Variants in KCNH2 observed in about 807,000 individuals in gnomAD.
The protein encoded by KCNH2 is voltage-gated inwardly rectifying potassium channel KCNH2.
A neutral mutation model predicts 95.9 loss-of-function variants in KCNH2; 35 were observed. That is an observed-to-expected ratio of 0.37 (90% confidence interval 0.28 to 0.48). The LOEUF (loss-of-function observed/expected upper bound fraction) is 0.48. Ranked by LOEUF, KCNH2 falls within the 20% of genes least tolerant of loss-of-function variation. The pLI is 0.99. For synonymous variants in KCNH2, 786 were observed against 754.7 expected (o/e 1.04, Z -0.68); for missense variants, 1,274 against 1,702.9 (o/e 0.75, Z 4.43).
intron 5 of KCNH2, among the ~76,000 whole-genome samples, chr7:150,953,711 T>C (rs1801270911): frequency 6.6e-6 from 1 of 152,074 alleles, no homozygotes; most frequent in African/African-American, 2.4e-5. Context: ...CCGGCCAGCT[T>C]CTCCACACTG....
chr7:150,967,488 C>T (rs892563639), intron 2 of KCNH2, among the ~76,000 whole-genome samples: 4 of 152,196 alleles, frequency 2.6e-5, no homozygotes, highest in Non-Finnish European at 5.9e-5. Flanking sequence ...CAGGGACAGA[C>T]TCATGGCTAT....
chr7:150,955,558 T>A (rs1801343016), intron 5 of KCNH2: 5 of 1,501,982 alleles, frequency 3.3e-6, no homozygotes, highest in South Asian at 1.3e-5. Context: ...GCCCGGCCAC[T>A]GCCTCACCTG....
intron 2 of KCNH2, among the ~76,000 whole-genome samples, chr7:150,965,169 T>A (rs11766022): frequency 6.6e-6 from 1 of 151,782 alleles, no homozygotes; most frequent in Non-Finnish European, 1.5e-5. Flanking sequence ...GCTCAGACCC[T>A]GACCCCACAG....
intron 5 of KCNH2, among the ~76,000 whole-genome samples, chr7:150,953,720 T>C (rs1056252967): frequency 2.6e-5 from 4 of 152,176 alleles, no homozygotes; most frequent in African/African-American, 9.7e-5. Flanking sequence ...TTCTCCACAC[T>C]GTCCCAGAAG....
chr7:150,975,063 TG>T, intron 1 of KCNH2, 122 bp from the exon 2 acceptor site: 1 of 762,450 alleles, frequency 1.3e-6, no homozygotes, highest in Non-Finnish European at 1.9e-6. Flanking sequence ...GAAGCATGGC[TG>T]GGACTGGGGT....
chr7:150,951,341 TC>T, intron 7 of KCNH2, 106 bp downstream of exon 7: 1 of 1,277,990 alleles, frequency 7.8e-7, no homozygotes, highest in Non-Finnish European at 1.0e-6. Context: ...CCCTGGAGTC[TC>T]TAAGTTCCAG....
At chr7:150,953,283 AG>A (rs764520663) in intron 5 of KCNH2, among the ~76,000 whole-genome samples, 24 of 152,164 alleles carry the variant, frequency 1.6e-4, no homozygotes, top group Non-Finnish European at 2.6e-4. Flanking sequence ...CAGGAGCCAT[AG>A]CCCCAATCCA....
chr7:150,965,393 C>A (rs1801675848), intron 2 of KCNH2, among the ~76,000 whole-genome samples: 1 of 152,198 alleles, frequency 6.6e-6, no homozygotes, highest in African/African-American at 2.4e-5. Context: ...GCTCTGGGGC[C>A]CGGCTCTGCC....
At chr7:150,949,494 C>T (rs1801051487) in intron 9 of KCNH2, 3 of 752,536 alleles carry the variant, frequency 4.0e-6, no homozygotes, top group Non-Finnish European at 5.0e-6. Flanking sequence ...CTAGAATGAA[C>T]CACATGCAGT....
rs1683137012 is a variant in KCNH2, at chr7:150,974,698, G to A, written c.307+13C>T. On this transcript the variant is annotated intron_variant, in intron 2 of 14. Transcript: ENST00000262186. ...CCGCCCCTGGTCGTGGCCCCGCCCC[G>A]GCCCGCTCCTACCATCTTTCCGGTA... 1 of 1,179,544 alleles carries A rather than the reference G, an allele frequency of 8.5e-7. No individual in the cohort carries two copies. The highest frequency in any genetic ancestry group is 1.9e-5 in the African/African-American group (1 of 53,388). 73.1% of individuals were successfully genotyped at this position (1,179,544 alleles called of 1,614,324 possible).
In KCNH2 at chr7:150,947,411, G is replaced by A. The variant is rs1331230285; in HGVS notation, c.3069C>T (p.Leu1023=). Residue 1023 remains leucine (L), a synonymous_variant, in exon 13 of 15, where the codon CTC becomes CTT. Coordinates refer to ENST00000262186, the MANE Select transcript of KCNH2 (RefSeq NM_000238.4). ...PRCPAPTPSL[L]NIPLSSPGRR... ...GACCCGGGCTGGAGAGGGGGATGTT[G>A]AGGAGGCTGGGGGTGGGGGCGGGGC... The A allele has an allele frequency of 6.4e-7, 1 of 1,552,786 alleles. No homozygotes were observed. Among genetic ancestry groups the A allele is most frequent in the South Asian group, 1.2e-5 (1 of 84,278 alleles).
At chr7:150,976,728 G>A (rs1801987559) in intron 1 of KCNH2, among the ~76,000 whole-genome samples, 1 of 146,694 alleles carries the variant, frequency 6.8e-6, no homozygotes, top group African/African-American at 2.6e-5. Context: ...CTAGAATCCA[G>A]CACCCCCCCC....
At chr7:150,958,566 G>A in intron 3 of KCNH2, 64 bp from the exon 4 acceptor site, 1 of 1,361,072 alleles carries the variant, frequency 7.3e-7, no homozygotes, top group South Asian at 1.5e-5. Flanking sequence ...GGCAAGGCCT[G>A]GGAAATGGAC....
chr7:150,965,099 GAC>G (rs1418682360), intron 2 of KCNH2, among the ~76,000 whole-genome samples: 1 of 151,830 alleles, frequency 6.6e-6, no homozygotes, highest in African/African-American at 2.4e-5. Flanking sequence ...ATGAGAGAGA[GAC>G]CAGTCCTAAG....
At position 150,974,718 on chromosome 7, in the gene KCNH2, C is replaced by A. The variant is rs761176105; in HGVS notation, c.300G>T (p.Arg100=). The A allele has an allele frequency of 1.0e-4, 150 of 1,454,838 alleles. 2 individuals are homozygous for A. In the South Asian group the frequency reaches 1.6e-3, roughly 16 times the overall value. The allele number at this position is 1,454,838 out of a possible 1,614,324, so 90.1% of individuals were successfully genotyped here. Residue 100 remains arginine, a synonymous_variant, in exon 2 of 15, where the codon CGG becomes CGT. Coordinates refer to ENST00000262186, the MANE Select transcript of KCNH2 (RefSeq NM_000238.4). Reference sequence around the variant, plus strand: ...GCCCCGGCCCGCTCCTACCATCTTTCCGGTAGAAGGCGATTTCCACTTTGC... The same window carrying A: ...GCCCCGGCCCGCTCCTACCATCTTTACGGTAGAAGGCGATTTCCACTTTGC... ...EERKVEIAFY[R]KDGSCFLCLV...
chr7:150,948,356 G>A, intron 11 of KCNH2, 88 bp downstream of exon 11: 1 of 1,071,784 alleles, frequency 9.3e-7, no homozygotes, highest in Non-Finnish European at 1.4e-6. Context: ...TCTGAGGCCT[G>A]GGTAAAGCAG....
rs780308005 is a variant in KCNH2, at chr7:150,947,769, G to A, written c.2802C>T (p.Gly934=). The change falls in exon 12 of 15, where the codon GGC becomes GGT. Residue 934 remains glycine, a synonymous_variant. Coordinates refer to ENST00000262186, the MANE Select transcript of KCNH2 (RefSeq NM_000238.4). The stretch of plus-strand genomic sequence containing the variant: ...CCTCACTGCTCTCAGGGCTGGAGGG[G>A]CCACTGGACGGGCTCTCCCCCCACG... ...GGPWGESPSS[G]PSSPESSEDE... 2 of 1,539,396 alleles carry A rather than the reference G, an allele frequency of 1.3e-6. No individual in the cohort carries two copies. The highest frequency in any genetic ancestry group is 1.2e-5 in the South Asian group (1 of 84,094).
At chr7:150,964,426 A>C (rs1313821856) in intron 2 of KCNH2, among the ~76,000 whole-genome samples, 1 of 152,150 alleles carries the variant, frequency 6.6e-6, no homozygotes, top group African/African-American at 2.4e-5. Context: ...CAAGCCAGAC[A>C]GGTGGAGGAG....
chr7:150,972,414 G>A (rs1801864269), intron 2 of KCNH2, among the ~76,000 whole-genome samples: 1 of 152,232 alleles, frequency 6.6e-6, no homozygotes, highest in African/African-American at 2.4e-5. Flanking sequence ...CCCAAGCCAG[G>A]TCCCGGGGAT....
Sources: allele counts gnomAD v4.1 joint callset (sites outside exome capture counted in the v4.1 genomes callset), GRCh38; gene constraint gnomAD v4.1.1; transcripts MANE v1.5; gene names NCBI Gene and HGNC (gene_info 2026-07-23, HGNC 2026-07-21).